CSMD1: variants seen among roughly 807,000 people sequenced by gnomAD.
The protein encoded by CSMD1 is CUB and sushi domain-containing protein 1.
Under a neutral mutation model 417.5 loss-of-function variants are expected in CSMD1, and 213 were observed. That is an observed-to-expected ratio of 0.51 (90% CI 0.46 to 0.57). The LOEUF (loss-of-function observed/expected upper bound fraction) is 0.57. Among genes scored for constraint, CSMD1 ranks in the 20% least tolerant of loss-of-function variants. The probability of loss-of-function intolerance (pLI) is 0.00; values close to 1 mark genes in which losing one functional copy is unlikely to be tolerated. For missense variants in CSMD1, 6,923 were observed against 4,529.7 expected, an observed-to-expected ratio of 1.53 and a Z score of -15.17; for synonymous variants, 2,862 against 1,736.8, an observed-to-expected ratio of 1.65 and a Z score of -16.11.
intron 5 of CSMD1, among the ~76,000 whole-genome samples, chr8:3,838,806 A>T (rs1342240147): frequency 9.6e-6 from 1 of 104,384 alleles, no homozygotes; most frequent in African/African-American, 4.3e-5. Context: ...ATAATATATA[A>T]TAATTATATA....
chr8:3,678,074 G>C (rs546947072), intron 7 of CSMD1, among the ~76,000 whole-genome samples: 12 of 152,258 alleles, frequency 7.9e-5, no homozygotes, highest in East Asian at 3.9e-4. Flanking sequence ...TGGCTGAATA[G>C]GAACAGCTCC....
chr8:3,968,025 A>T (rs967303625), intron 5 of CSMD1, among the ~76,000 whole-genome samples: 1 of 149,184 alleles, frequency 6.7e-6, no homozygotes, highest in African/African-American at 2.5e-5. Context: ...AAAAAAAAAA[A>T]AATTACAAAA....
intron 10 of CSMD1, among the ~76,000 whole-genome samples, chr8:3,511,979 G>T (rs922693071): frequency 3.0e-4 from 46 of 151,412 alleles, no homozygotes; most frequent in African/African-American, 1.1e-3. Flanking sequence ...CAGTCACAGT[G>T]AGGACTCATG....
chr8:4,065,419 T>C (rs1028058149), intron 3 of CSMD1, among the ~76,000 whole-genome samples: 5 of 152,222 alleles, frequency 3.3e-5, no homozygotes, highest in African/African-American at 1.2e-4. Context: ...GTAAAACTTC[T>C]AGAGAATAAT....
chr8:3,157,809 G>C, intron 39 of CSMD1, 88 bp downstream of exon 39: 2 of 1,051,470 alleles, frequency 1.9e-6, no homozygotes, highest in Non-Finnish European at 1.4e-6. Context: ...AAGAAATTTA[G>C]AAGTGCATTC....
At chr8:3,445,538 T>A (rs1585175512) in intron 12 of CSMD1, among the ~76,000 whole-genome samples, 1 of 152,292 alleles carries the variant, frequency 6.6e-6, no homozygotes, top group South Asian at 2.1e-4. Flanking sequence ...TTACACATTT[T>A]TTTTTAATAG....
intron 10 of CSMD1, among the ~76,000 whole-genome samples, chr8:3,545,086 A>T (rs76832235): frequency 6.6e-6 from 1 of 152,314 alleles, no homozygotes; most frequent in African/African-American, 2.4e-5. Context: ...TGACCTTAAC[A>T]AAGTATAAAA....
chr8:4,871,227 T>A (rs917641209), intron 1 of CSMD1, among the ~76,000 whole-genome samples: 1 of 152,132 alleles, frequency 6.6e-6, no homozygotes, highest in African/African-American at 2.4e-5. Context: ...AAGTGGGTGG[T>A]CCAGAGCTAG....
chr8:3,336,758 C>A (rs1044366297), intron 23 of CSMD1, among the ~76,000 whole-genome samples: 1 of 152,162 alleles, frequency 6.6e-6, no homozygotes, highest in African/African-American at 2.4e-5. Context: ...CAGAGTCCCG[C>A]CCCCAGCTGC....
At chr8:4,950,425 T>C (rs1808663129) in intron 1 of CSMD1, among the ~76,000 whole-genome samples, 1 of 152,196 alleles carries the variant, frequency 6.6e-6, no homozygotes, top group African/African-American at 2.4e-5. Flanking sequence ...GATTCTTTTA[T>C]TTTAAATAAA....
At chr8:4,257,981 G>A (rs1468431597) in intron 3 of CSMD1, among the ~76,000 whole-genome samples, 1 of 152,046 alleles carries the variant, frequency 6.6e-6, no homozygotes, top group South Asian at 2.1e-4. Flanking sequence ...TGCCATAAAA[G>A]AATATCATAG....
rs1585784403 is a variant in CSMD1 at position 3,247,331 on chromosome 8, T to A, written c.4154-17100A>T. On this transcript the variant is annotated intron_variant, in intron 26 of 69. Coordinates refer to ENST00000635120, the MANE Select transcript of CSMD1 (RefSeq NM_033225.6). ...CTGCTACCTGGACGCAGACTCCTCC[T>A]GCTCCTGGCCCCCTCCCCGCCTGCT... Among the ~76,000 whole-genome samples, 3 of 152,182 alleles carry A rather than the reference T, an allele frequency of 2.0e-5. No homozygotes were observed. The South Asian group carries it at 6.2e-4, about 31-fold the overall frequency.
At chr8:3,857,386 C>T (rs1804384841) in intron 5 of CSMD1, among the ~76,000 whole-genome samples, 1 of 152,090 alleles carries the variant, frequency 6.6e-6, no homozygotes, top group African/African-American at 2.4e-5. Flanking sequence ...AAGAGATTGG[C>T]CTATATTTGG....
chr8:4,810,175 C>A (rs771661762), intron 1 of CSMD1, among the ~76,000 whole-genome samples: 1 of 152,152 alleles, frequency 6.6e-6, no homozygotes, highest in African/African-American at 2.4e-5. Context: ...ATGTAAACTT[C>A]AAGAACTGAG....
chr8:4,745,044 T>G (rs1166988068), intron 1 of CSMD1, among the ~76,000 whole-genome samples: 3 of 152,176 alleles, frequency 2.0e-5, no homozygotes, highest in Non-Finnish European at 4.4e-5. Flanking sequence ...TAATATATAT[T>G]CTTTTTTATA....
rs576752452 is a variant in CSMD1 at position 4,000,646 on chromosome 8, G to T, written c.611-2536C>A. ...GAGGTAAACAGGATCACTAGAGACA[G>T]ATATTTACTTTTATTATTGATTAAA... is the stretch of plus-strand genomic sequence containing the variant. On this transcript the variant is annotated intron_variant, in intron 4 of 69. Transcript: ENST00000635120. 7.9e-5 allele frequency among the ~76,000 whole-genome samples: 12 copies of T among 152,214 alleles called. No homozygotes were observed. The East Asian group carries it at 2.3e-3, about 29-fold the overall frequency.
chr8:3,693,863 T>C (rs1459125541), intron 7 of CSMD1, among the ~76,000 whole-genome samples: 2 of 151,120 alleles, frequency 1.3e-5, no homozygotes, highest in African/African-American at 4.9e-5. Context: ...TTATGTGCTG[T>C]ATGTGTGTTT....
chr8:3,730,249 A>G (rs1208235944), intron 6 of CSMD1, among the ~76,000 whole-genome samples: 1 of 152,064 alleles, frequency 6.6e-6, no homozygotes, highest in African/African-American at 2.4e-5. Context: ...TCGAGATGAG[A>G]AAATACCTTG....
intron 1 of CSMD1, among the ~76,000 whole-genome samples, chr8:4,683,989 A>G (rs1311212834): frequency 6.6e-6 from 1 of 152,222 alleles, no homozygotes; most frequent in Non-Finnish European, 1.5e-5. Context: ...AATATTCAGT[A>G]TCACTGACTG....
Sources: allele counts gnomAD v4.1 joint callset (sites outside exome capture counted in the v4.1 genomes callset), GRCh38; gene constraint gnomAD v4.1.1; transcripts MANE v1.5; gene names NCBI Gene and HGNC (gene_info 2026-07-23, HGNC 2026-07-21).